Variants in RALGPS1 observed in about 807,000 individuals in gnomAD.
RALGPS1 encodes ras-specific guanine nucleotide-releasing factor RalGPS1.
A neutral mutation model predicts 78.8 loss-of-function variants in RALGPS1; 19 were observed. That is an observed-to-expected ratio of 0.24 (90% CI 0.17 to 0.35). The LOEUF (loss-of-function observed/expected upper bound fraction) is 0.35. Among genes scored for constraint, RALGPS1 ranks in the 10% least tolerant of loss-of-function variants. The pLI, the probability that RALGPS1 is intolerant of heterozygous loss-of-function variation, is 1.00. For missense variants in RALGPS1, 454 were observed against 688.3 expected (o/e 0.66, Z 3.81); for synonymous variants, 228 against 256.3 (o/e 0.89, Z 1.06).
chr9:127,111,585 G>T (rs925770386), intron 8 of RALGPS1, among the ~76,000 whole-genome samples: 1 of 152,220 alleles, frequency 6.6e-6, no homozygotes, highest in African/African-American at 2.4e-5. Flanking sequence ...TCAGAGCTGC[G>T]CAGAGGAGGG....
intron 9 of RALGPS1, among the ~76,000 whole-genome samples, chr9:127,168,277 T>C (rs975475363): frequency 3.3e-5 from 5 of 152,178 alleles, no homozygotes; most frequent in African/African-American, 4.8e-5. Context: ...TGGGTAGATA[T>C]AGGAGGCTTG....
At chr9:127,135,284 G>A (rs1474888942) in intron 8 of RALGPS1, among the ~76,000 whole-genome samples, 1 of 152,184 alleles carries the variant, frequency 6.6e-6, no homozygotes, top group Non-Finnish European at 1.5e-5. Context: ...TGAGTATCTG[G>A]GAAGAAGTGG....
chr9:126,943,062 TGAAATCTA>T (rs1185690150), intron 1 of RALGPS1, among the ~76,000 whole-genome samples: 5 of 152,200 alleles, frequency 3.3e-5, no homozygotes, highest in Admixed American at 6.5e-5. Flanking sequence ...TCCATTTGCT[TGAAATCTA>T]GAAATTCTTA....
chr9:127,174,798 C>T lies in RALGPS1; in HGVS notation c.910+16C>T, dbSNP rs201711630. 23 of 1,611,490 alleles carry T rather than the reference C, an allele frequency of 1.4e-5. No homozygotes were observed. The Admixed American group carries it at 2.2e-4, about 15-fold the overall frequency. On this transcript the variant is annotated intron_variant, in intron 11 of 18. Transcript: ENST00000259351. ...GATCTTGCAGGTATCGTAGCTACCT[C>T]GAGTGGGAGCAAACCCACTTAATAG...
intron 4 of RALGPS1, among the ~76,000 whole-genome samples, chr9:126,980,090 C>G (rs1047252838): frequency 6.6e-6 from 1 of 152,128 alleles, no homozygotes; most frequent in East Asian, 1.9e-4. Flanking sequence ...AGAGTTTGCT[C>G]CTCATTGTCA....
At chr9:126,933,013 A>G (rs3118834) in intron 1 of RALGPS1, among the ~76,000 whole-genome samples, 88,981 of 151,834 alleles carry the variant, frequency 0.59, 30,147 homozygotes, top group East Asian at 0.81. Context: ...ATCATGAAAT[A>G]TGGGACAGGG....
At position 127,191,815 on chromosome 9, in the gene RALGPS1, A is replaced by C. The variant is rs554727786; in HGVS notation, c.911-3276A>C. On this transcript the variant is annotated intron_variant, in intron 11 of 18. Transcript: ENST00000259351. ...CAGGTTCACGCCATTCTCCTGCCTC[A>C]GCCTCCCGAGTAGCTGGGACTACAG... Among the ~76,000 whole-genome samples, 80 of 148,898 alleles carry C rather than the reference A, an allele frequency of 5.4e-4. 1 individual carries two copies. The South Asian group carries it at 0.016, about 29-fold the overall frequency.
intron 14 of RALGPS1, among the ~76,000 whole-genome samples, chr9:127,206,698 A>G (rs1173042619): frequency 1.3e-5 from 2 of 152,130 alleles, no homozygotes; most frequent in Non-Finnish European, 2.9e-5. Context: ...AGGCCTCAAC[A>G]TAATTATTTT....
chr9:126,970,705 A>G (rs536594543), intron 3 of RALGPS1, among the ~76,000 whole-genome samples: 3 of 152,328 alleles, frequency 2.0e-5, no homozygotes. Context: ...AAAGCAACCT[A>G]AAACAGCTGT....
In RALGPS1 at chr9:126,977,685, T is replaced by C. The variant is rs763325895; in HGVS notation, c.166-10T>C. On this transcript the variant is annotated splice_polypyrimidine_tract_variant and intron_variant, in intron 3 of 18. Transcript: ENST00000259351. ...CAGTATTTTCTAAAATTGATTCTCT[T>C]TTGTTGCAGAGCCAGATTACATTAA... is the stretch of plus-strand genomic sequence containing the variant. 1.3e-6 allele frequency: 2 copies of C among 1,582,586 alleles called. No homozygotes were observed.
intron 8 of RALGPS1, among the ~76,000 whole-genome samples, chr9:127,159,186 A>G (rs1699871920): frequency 6.6e-6 from 1 of 152,204 alleles, no homozygotes; most frequent in Non-Finnish European, 1.5e-5. Context: ...TCTTACTGCC[A>G]GTCAGAACCC....
At chr9:126,989,260 G>T (rs2042070160) in intron 4 of RALGPS1, among the ~76,000 whole-genome samples, 1 of 152,174 alleles carries the variant, frequency 6.6e-6, no homozygotes, top group Non-Finnish European at 1.5e-5. Context: ...AGGTGTGATG[G>T]CAGTGCCTTT....
At chr9:127,092,066 G>C in intron 8 of RALGPS1, 7 of 1,138,646 alleles carry the variant, frequency 6.1e-6, no homozygotes, top group Non-Finnish European at 8.8e-6. Context: ...AGCAGACCTG[G>C]TTCAGACCCC....
intron 4 of RALGPS1, chr9:127,016,778 C>T (rs1353553213): frequency 6.6e-6 from 1 of 152,262 alleles, no homozygotes; most frequent in African/African-American, 2.4e-5. Flanking sequence ...TGACCTTGCC[C>T]TCTGGTTCTT....
chr9:127,055,670 A>G (rs1437213679), intron 7 of RALGPS1, among the ~76,000 whole-genome samples: 1 of 152,230 alleles, frequency 6.6e-6, no homozygotes, highest in Non-Finnish European at 1.5e-5. Context: ...GGCTAGGATC[A>G]AACCTAAGCA....
intron 10 of RALGPS1, among the ~76,000 whole-genome samples, chr9:127,171,032 TATTACCTTAGTGGC>T (rs772646772): frequency 4.7e-4 from 71 of 152,366 alleles, no homozygotes; most frequent in Non-Finnish European, 8.2e-4. Context: ...ATGGCTTAGT[TATTACCTTAGTGGC>T]ATTGCATTGC....
At position 127,037,445 on chromosome 9, in the gene RALGPS1, A is replaced by G. The variant is rs1002637067; in HGVS notation, c.300+2931A>G. 1.8e-4 allele frequency among the ~76,000 whole-genome samples: 27 copies of G among 152,246 alleles called. 1 individual carries two copies. The highest frequency in any genetic ancestry group is 5.5e-4 in the African/African-American group (23 of 41,468). On this transcript the variant is annotated intron_variant, in intron 5 of 18. Coordinates refer to ENST00000259351, the MANE Select transcript of RALGPS1 (RefSeq NM_014636.3). Reference sequence around the variant, plus strand: ...AATGTTTCCAACTTGTCTCATGGACACATTTTATAGTTGCTAATGACTGAA... The same window carrying G: ...AATGTTTCCAACTTGTCTCATGGACGCATTTTATAGTTGCTAATGACTGAA...
intron 14 of RALGPS1, among the ~76,000 whole-genome samples, chr9:127,201,703 C>T (rs142891067): frequency 6.6e-6 from 1 of 152,280 alleles, no homozygotes; most frequent in East Asian, 1.9e-4. Flanking sequence ...TTAGCTCCTC[C>T]AGGTCCTCCC....
In RALGPS1 at chr9:127,215,611, T is replaced by C. The variant is rs906878876; in HGVS notation, c.1644+769T>C. ...CCCAGGTCTGCCTGACTCCCCCGAT[T>C]GTCTGCTTGTTGCCCCTGAGCCCTC... On this transcript the variant is annotated intron_variant, in intron 18 of 18. Transcript: ENST00000259351. Among the ~76,000 whole-genome samples, 4 of 152,298 alleles carry C rather than the reference T, an allele frequency of 2.6e-5. No individual in the cohort carries two copies. In the East Asian group the frequency reaches 7.7e-4, roughly 29 times the overall value.
Sources: gnomAD v4.1 joint callset for allele counts (sites outside exome capture counted in the v4.1 genomes callset) on GRCh38, gnomAD v4.1.1 for gene constraint, MANE v1.5 for transcripts, NCBI Gene and HGNC (gene_info 2026-07-23, HGNC 2026-07-21) for gene names.